Variants in PATE1 observed in about 807,000 individuals in gnomAD.
The protein encoded by PATE1 is prostate and testis expressed 1.
PATE1 carries 21 observed loss-of-function variants against 13.1 expected under a neutral mutation model. The observed-to-expected ratio is 1.61, with a 90% CI of 1.14 to 2.31. The LOEUF is 2.31. Ranked by LOEUF, PATE1 falls within the 30% of genes most tolerant of loss-of-function variation. PATE1 has a pLI of 0.00. For synonymous variants in PATE1, 52 were observed against 47.1 expected, an observed-to-expected ratio of 1.10 and a Z score of -0.43; for missense variants, 166 against 147.2, an observed-to-expected ratio of 1.13 and a Z score of -0.66.
At chr11:125,747,633 G>A (rs1389442805) in intron 3 of PATE1, 67 bp from the exon 4 acceptor site, 1 of 1,598,086 alleles carries the variant, frequency 6.3e-7, no homozygotes. Flanking sequence ...TAACCCAAAA[G>A]GGGAGAGGGG....
chr11:125,748,491 C>T, intron 4 of PATE1, 109 bp from the exon 5 acceptor site: 1 of 1,308,114 alleles, frequency 7.6e-7, no homozygotes, highest in South Asian at 1.6e-5. Flanking sequence ...AATAACGGAG[C>T]TTTGAACTAC....
intron 4 of PATE1, chr11:125,748,156 G>A: frequency 9.0e-6 from 3 of 334,400 alleles, no homozygotes; most frequent in Non-Finnish European, 1.7e-5. Context: ...TCTTGTGCCT[G>A]TCTGGGCTTC....
At chr11:125,747,600 C>A (rs1324132473) in intron 3 of PATE1, 100 bp from the exon 4 acceptor site, 5 of 1,536,306 alleles carry the variant, frequency 3.3e-6, no homozygotes, top group Non-Finnish European at 4.4e-6. Flanking sequence ...TCTGGCAAAG[C>A]CCTGTGGCTC....
chr11:125,746,658 C>G lies in PATE1; in HGVS notation c.53-3C>G, dbSNP rs369356782. The G allele has an allele frequency of 1.2e-6, 2 of 1,612,244 alleles. No individual in the cohort carries two copies. Among genetic ancestry groups the G allele is most frequent in the Non-Finnish European group, 1.7e-6 (2 of 1,179,408 alleles). Reference sequence around the variant, plus strand: ...ACAGTGTATCTCTTTTTTTTTCCAACAGCATTATCTGGATCACTTTCAATG... The same window carrying G: ...ACAGTGTATCTCTTTTTTTTTCCAAGAGCATTATCTGGATCACTTTCAATG... On this transcript the variant is annotated splice_region_variant and splice_polypyrimidine_tract_variant and intron_variant, in intron 1 of 4. Transcript: ENST00000305738.
At chr11:125,747,462 C>T in intron 3 of PATE1, 51 bp downstream of exon 3, 1 of 1,520,644 alleles carries the variant, frequency 6.6e-7, no homozygotes, top group Non-Finnish European at 8.9e-7. Flanking sequence ...TAATGTTTCA[C>T]TTTTCCTTAT....
rs1349830158 is a variant in PATE1, at chr11:125,748,769, T to C, written c.*36T>C. ...TTCTTCTGTGACTCCAATTTCTGGG[T>C]GAGGTTGTTGCCTCAGCCTCTTCAC... On this transcript the variant is annotated 3_prime_UTR_variant, in exon 5 of 5. Transcript: ENST00000305738. 1.2e-6 allele frequency: 2 copies of C among 1,608,352 alleles called. No individual in the cohort carries two copies. The highest frequency in any genetic ancestry group is 1.7e-6 in the Non-Finnish European group (2 of 1,177,044).
At position 125,746,369 on chromosome 11, in the gene PATE1, G is replaced by A. The variant is rs540397458; in HGVS notation, c.52+13G>A. 9 of 1,612,856 alleles carry A rather than the reference G, an allele frequency of 5.6e-6. No individual in the cohort carries two copies. Among genetic ancestry groups the A allele is most frequent in the Middle Eastern group, 1.6e-4 (1 of 6,076 alleles). On this transcript the variant is annotated intron_variant, in intron 1 of 4. Transcript: ENST00000305738. The stretch of plus-strand genomic sequence containing the variant: ...TGCTGCTTTAGGGGTGAGTCCCTAG[G>A]GTTGACAGCTGGTAAGAGTCCTGAA...
rs1242952264 is a variant in PATE1, at chr11:125,749,059, G to T, written c.*326G>T. The stretch of plus-strand genomic sequence containing the variant: ...GAAAGGGTAGTTTAATTTCAAAAAA[G>T]AATCCCTTCCTCTTTCCTCTGCTGC... On this transcript the variant is annotated 3_prime_UTR_variant, in exon 5 of 5. Transcript: ENST00000305738. The T allele has an allele frequency of 5.0e-6, 1 of 200,662 alleles. No homozygotes were observed. Among genetic ancestry groups the T allele is most frequent in the Non-Finnish European group, 9.9e-6 (1 of 100,570 alleles). 12.4% of individuals were successfully genotyped at this position (200,662 alleles called of 1,614,324 possible). A position where few individuals can be genotyped will look rare whatever the true frequency, so the allele number is the denominator to read the frequency against.
rs750891559 is a variant in PATE1 at position 125,749,677 on chromosome 11, G to A, written c.*944G>A. 2 of 152,052 alleles carry A rather than the reference G, an allele frequency of 1.3e-5. No homozygotes were observed. The highest frequency in any genetic ancestry group is 2.9e-5 in the Non-Finnish European group (2 of 68,026). 9.4% of individuals were successfully genotyped at this position (152,052 alleles called of 1,614,324 possible). On this transcript the variant is annotated 3_prime_UTR_variant, in exon 5 of 5. Transcript: ENST00000305738. ...ACCCTTACCTCCATCTCACACACTT[G>A]AGCTTGCCACTCTGTATAATTCTAA... is the stretch of plus-strand genomic sequence containing the variant.
Position 125,748,828 on chromosome 11 carries a change from A to ACACACACG in PATE1, c.*102_*103insGCACACAC. The ACACACACG allele has an allele frequency of 1.4e-6, 2 of 1,425,736 alleles. No individual in the cohort carries two copies. Among genetic ancestry groups the ACACACACG allele is most frequent in the Non-Finnish European group, 1.9e-6 (2 of 1,045,394 alleles). 88.3% of individuals were successfully genotyped at this position (1,425,736 alleles called of 1,614,324 possible). A position where few individuals can be genotyped will look rare whatever the true frequency, so the allele number is the denominator to read the frequency against. On this transcript the variant is annotated 3_prime_UTR_variant, in exon 5 of 5. Transcript: ENST00000305738. The stretch of plus-strand genomic sequence containing the variant: ...TCTAAAAAAAATCACACACACACAC[A>ACACACACG]CACACACTACAGAAGAGGATTGCAA...
At position 125,748,616 on chromosome 11, in the gene PATE1, G is replaced by A. The variant is rs767921343; in HGVS notation, c.264G>A (p.Trp88Ter). 1 of 1,613,730 alleles carries A rather than the reference G, an allele frequency of 6.2e-7. No homozygotes were observed. ...CCTCCACAGGGGATGGTAATCCCTG[G>A]TTAACCTTCATGGGCTGCCTAAAGA... ...GRMFKRDGNP[W>*]LTFMGCLKNC... Residue 88 changes from tryptophan to a stop codon, truncating the protein, a stop_gained, in exon 5 of 5, where the codon TGG becomes TGA. Coordinates refer to ENST00000305738, the MANE Select transcript of PATE1 (RefSeq NM_138294.3). LOFTEE classifies it low-confidence loss of function (END_TRUNC).
intron 4 of PATE1, among the ~76,000 whole-genome samples, chr11:125,748,250 G>A (rs1176979213): frequency 6.6e-6 from 1 of 152,150 alleles, no homozygotes; most frequent in African/African-American, 2.4e-5. Flanking sequence ...TGGTTAAGAT[G>A]AGACATCATG....
intron 3 of PATE1, 41 bp downstream of exon 3, chr11:125,747,452 T>C (rs747455871): frequency 5.7e-6 from 9 of 1,575,614 alleles, no homozygotes; most frequent in Middle Eastern, 3.5e-4. Context: ...TCAGTCTTGA[T>C]AATGTTTCAC....
chr11:125,746,336 T>A lies in PATE1; in HGVS notation c.32T>A (p.Ile11Asn). The A allele has an allele frequency of 6.2e-7, 1 of 1,613,910 alleles. No homozygotes were observed. ...AAGTCCCTCTTGCTGGAACTCCCCATCCTGCTCTGCTGCTTTAGGGGTGAG... is the reference window on the plus strand; with the variant it reads ...AAGTCCCTCTTGCTGGAACTCCCCAACCTGCTCTGCTGCTTTAGGGGTGAG... The part of the protein sequence containing the change: MDKSLLLELP[I>N]LLCCFRALSG... Residue 11 changes from isoleucine (I) to asparagine (N), a missense_variant, in exon 1 of 5, where the codon ATC becomes AAC. Transcript: ENST00000305738.
intron 2 of PATE1, 125 bp downstream of exon 2, chr11:125,746,821 C>A (rs1313309125): frequency 3.2e-6 from 3 of 932,658 alleles, no homozygotes; most frequent in Non-Finnish European, 5.2e-6. Context: ...TTCCAACACG[C>A]AACAACCTCT....
At chr11:125,748,486 C>T (rs762945471) in intron 4 of PATE1, 114 bp from the exon 5 acceptor site, 24 of 1,249,670 alleles carry the variant, frequency 1.9e-5, no homozygotes, top group Middle Eastern at 2.8e-4. Context: ...ATTTGAATAA[C>T]GGAGCTTTGA....
intron 4 of PATE1, 157 bp downstream of exon 4, chr11:125,747,979 A>G (rs939540973): frequency 2.6e-6 from 3 of 1,168,196 alleles, no homozygotes; most frequent in Non-Finnish European, 3.5e-6. Flanking sequence ...CCGTAATGAA[A>G]ATTAGATGGA....
Position 125,748,586 on chromosome 11 carries a change from T to A in PATE1, c.248-14T>A. 6.2e-7 allele frequency: 1 copy of A among 1,608,800 alleles called. No individual in the cohort carries two copies. The highest frequency in any genetic ancestry group is 2.2e-5 in the East Asian group (1 of 44,844). On this transcript the variant is annotated splice_polypyrimidine_tract_variant and intron_variant, in intron 4 of 4. Coordinates refer to ENST00000305738, the MANE Select transcript of PATE1 (RefSeq NM_138294.3). The stretch of plus-strand genomic sequence containing the variant: ...TGGCCAGGCTTCCTGATCTGTTTTT[T>A]CTCCCCTCCACAGGGGATGGTAATC...
chr11:125,746,460 A>T lies in PATE1; in HGVS notation c.52+104A>T. On this transcript the variant is annotated intron_variant, in intron 1 of 4. Transcript: ENST00000305738. ...ATGGGAGTCCTATGGCAACTGAAGC[A>T]TGATGAGCTTCTGTTCTAATGTTAT... The T allele has an allele frequency of 2.9e-6, 4 of 1,377,780 alleles. No individual in the cohort carries two copies. In the East Asian group the frequency reaches 9.2e-5, roughly 32 times the overall value. The allele number at this position is 1,377,780 out of a possible 1,614,324, so 85.3% of individuals were successfully genotyped here.
Sources: allele counts gnomAD v4.1 joint callset (sites outside exome capture counted in the v4.1 genomes callset), GRCh38; gene constraint gnomAD v4.1.1; transcripts MANE v1.5; gene names NCBI Gene and HGNC (gene_info 2026-07-23, HGNC 2026-07-21).